CTNNA3: variants seen among roughly 807,000 people sequenced by gnomAD.
The protein encoded by CTNNA3 is catenin alpha-3.
CTNNA3 carries 76 observed loss-of-function variants against 95.7 expected under a neutral mutation model. The ratio of observed to expected loss-of-function variants is 0.79; its 90% confidence interval spans 0.66 to 0.96. The LOEUF (loss-of-function observed/expected upper bound fraction) is 0.96. Among genes scored for constraint, CTNNA3 ranks in the 40% least tolerant of loss-of-function variants. The probability of loss-of-function intolerance (pLI) is 0.00; values close to 1 mark genes in which losing one functional copy is unlikely to be tolerated. For synonymous variants in CTNNA3, 431 were observed against 374.4 expected (o/e 1.15, Z -1.74); for missense variants, 1,191 against 1,089.8 (o/e 1.09, Z -1.31).
intron 11 of CTNNA3, among the ~76,000 whole-genome samples, chr10:66,409,959 A>G (rs12776959): frequency 0.16 from 23,750 of 152,138 alleles, 2,422 homozygotes; most frequent in South Asian, 0.28. Context: ...ACCTTTCCCA[A>G]TTCTCTCTCC....
chr10:67,464,864 GAAA>G (rs796084894), intron 5 of CTNNA3, among the ~76,000 whole-genome samples: 1 of 135,682 alleles, frequency 7.4e-6, no homozygotes, highest in African/African-American at 2.7e-5. Flanking sequence ...CTGTAGGTAA[GAAA>G]AAAAAAAAAG....
intron 13 of CTNNA3, among the ~76,000 whole-genome samples, chr10:66,145,155 A>T (rs2083817518): frequency 6.6e-6 from 1 of 152,208 alleles, no homozygotes; most frequent in Non-Finnish European, 1.5e-5. Flanking sequence ...ATTACTAGTT[A>T]CCAGGAATCA....
intron 10 of CTNNA3, among the ~76,000 whole-genome samples, chr10:66,565,464 A>C (rs918773153): frequency 1.3e-5 from 2 of 152,194 alleles, no homozygotes; most frequent in Non-Finnish European, 2.9e-5. Flanking sequence ...CTGCACTTAG[A>C]AGTAATACGT....
intron 13 of CTNNA3, among the ~76,000 whole-genome samples, chr10:66,167,085 T>C (rs368079840): frequency 1.3e-5 from 2 of 152,246 alleles, no homozygotes; most frequent in South Asian, 4.1e-4. Flanking sequence ...ACATGCAATA[T>C]GCCTTTCACA....
intron 7 of CTNNA3, among the ~76,000 whole-genome samples, chr10:66,786,584 T>A (rs965787324): frequency 1.3e-5 from 2 of 152,166 alleles, no homozygotes; most frequent in African/African-American, 4.8e-5. Flanking sequence ...TAGAAAAGTT[T>A]GGCCATTGAT....
intron 5 of CTNNA3, among the ~76,000 whole-genome samples, chr10:67,238,867 C>A (rs914267325): frequency 6.6e-6 from 1 of 151,998 alleles, no homozygotes; most frequent in Non-Finnish European, 1.5e-5. Context: ...TTTTATACCT[C>A]ATTATCTAGT....
At chr10:67,221,375 TA>T (rs1864644622) in intron 5 of CTNNA3, among the ~76,000 whole-genome samples, 1 of 152,154 alleles carries the variant, frequency 6.6e-6, no homozygotes, top group Non-Finnish European at 1.5e-5. Flanking sequence ...ACATTTCATA[TA>T]ATCTTTATAA....
At chr10:67,401,076 C>T (rs1464921020) in intron 5 of CTNNA3, among the ~76,000 whole-genome samples, 2 of 152,096 alleles carry the variant, frequency 1.3e-5, no homozygotes, top group South Asian at 4.1e-4. Context: ...CTAGTGATCA[C>T]ATTAAAATAA....
intron 1 of CTNNA3, among the ~76,000 whole-genome samples, chr10:67,654,682 A>T (rs1839972530): frequency 6.6e-6 from 1 of 152,126 alleles, no homozygotes; most frequent in Admixed American, 6.5e-5. Context: ...AAGGTTTCTT[A>T]AAATTTTTAG....
intron 13 of CTNNA3, among the ~76,000 whole-genome samples, chr10:66,221,974 T>C (rs1436782339): frequency 6.6e-6 from 1 of 152,152 alleles, no homozygotes; most frequent in Non-Finnish European, 1.5e-5. Context: ...TTAAGTACAA[T>C]TACAGAAAAG....
chr10:66,205,590 G>GA (rs1048799604), intron 13 of CTNNA3, among the ~76,000 whole-genome samples: 2 of 151,762 alleles, frequency 1.3e-5, no homozygotes, highest in Non-Finnish European at 1.5e-5. Flanking sequence ...GGTAGGAATA[G>GA]AAAAAAACCC....
intron 12 of CTNNA3, among the ~76,000 whole-genome samples, chr10:66,371,932 T>C (rs1450149275): frequency 6.6e-6 from 1 of 152,160 alleles, no homozygotes; most frequent in Admixed American, 6.6e-5. Context: ...ATTCCAGTGG[T>C]AGAACCATCT....
At chr10:66,517,585 A>G (rs1280475051) in intron 11 of CTNNA3, among the ~76,000 whole-genome samples, 1 of 152,158 alleles carries the variant, frequency 6.6e-6, no homozygotes, top group Non-Finnish European at 1.5e-5. Context: ...AGGGGGAGGC[A>G]TGAATAATCC....
At chr10:67,202,845 T>C (rs943995583) in intron 6 of CTNNA3, among the ~76,000 whole-genome samples, 2 of 152,046 alleles carry the variant, frequency 1.3e-5, no homozygotes, top group Non-Finnish European at 2.9e-5. Flanking sequence ...CCTACAGCCA[T>C]ATAAAAAGGG....
At chr10:67,080,523 A>G (rs1177334037) in intron 7 of CTNNA3, among the ~76,000 whole-genome samples, 1 of 152,268 alleles carries the variant, frequency 6.6e-6, no homozygotes, top group South Asian at 2.1e-4. Context: ...GAGGAAATTT[A>G]TGTTTTATTA....
chr10:65,930,585 GTCGTGATTTCAT>G (rs1163291040), intron 17 of CTNNA3, among the ~76,000 whole-genome samples: 4 of 152,160 alleles, frequency 2.6e-5, no homozygotes, highest in Non-Finnish European at 5.9e-5. Flanking sequence ...TTTTTAGTAT[GTCGTGATTTCAT>G]TCTTAAAATC....
At chr10:67,084,510 A>G (rs1430586846) in intron 7 of CTNNA3, among the ~76,000 whole-genome samples, 1 of 151,950 alleles carries the variant, frequency 6.6e-6, no homozygotes, top group Non-Finnish European at 1.5e-5. Flanking sequence ...TCACAGCAGA[A>G]CACCCTCAGC....
chr10:66,125,477 C>A (rs1222635859), intron 13 of CTNNA3, among the ~76,000 whole-genome samples: 2 of 150,716 alleles, frequency 1.3e-5, no homozygotes, highest in African/African-American at 2.4e-5. Flanking sequence ...TATATGCTGA[C>A]AATAAAAAAC....
chr10:66,182,150 T>C (rs925267818), intron 13 of CTNNA3, among the ~76,000 whole-genome samples: 1 of 152,188 alleles, frequency 6.6e-6, no homozygotes, highest in African/African-American at 2.4e-5. Flanking sequence ...CATTTATTTG[T>C]AATTTGTAAA....
Sources: allele counts gnomAD v4.1 joint callset (sites outside exome capture counted in the v4.1 genomes callset), GRCh38; gene constraint gnomAD v4.1.1; transcripts MANE v1.5; gene names NCBI Gene and HGNC (gene_info 2026-07-23, HGNC 2026-07-21).